Variants in PLEKHM3 observed in about 807,000 individuals in gnomAD.
PLEKHM3 encodes the protein pleckstrin homology domain containing M3.
In PLEKHM3, 45 loss-of-function variants were observed where a neutral mutation model predicts 81.8. That is an observed-to-expected ratio of 0.55 (90% CI 0.43 to 0.71). PLEKHM3 has a LOEUF of 0.71. Among genes scored for constraint, PLEKHM3 ranks in the 30% least tolerant of loss-of-function variants. PLEKHM3 has a pLI of 0.00. For synonymous variants in PLEKHM3, 352 were observed against 356.4 expected (o/e 0.99, Z 0.14); for missense variants, 788 against 924.3 (o/e 0.85, Z 1.91).
At position 207,828,375 on chromosome 2, in the gene PLEKHM3, C is replaced by A; in HGVS notation, c.2230G>T (p.Asp744Tyr). The change falls in exon 8 of 8, where the codon GAC (aspartate) becomes TAC (tyrosine). Residue 744 changes from aspartate to tyrosine, a missense_variant. By Grantham distance (160) the Asp-to-Tyr change is radical (BLOSUM62 -3). Coordinates refer to ENST00000427836, the MANE Select transcript of PLEKHM3 (RefSeq NM_001080475.3). ...GTGCAAGCCTCCTCTAGACTCTCGT[C>A]CATGTTCAGTCTCTGCCAGAAAGAC... ...QKSFWQRLNM[D>Y]ESLEEACTMF... 6.2e-7 allele frequency: 1 copy of A among 1,614,004 alleles called. No homozygotes were observed. The highest frequency in any genetic ancestry group is 8.5e-7 in the Non-Finnish European group (1 of 1,179,976).
Position 207,946,484 on chromosome 2 carries a change from A to T in PLEKHM3, c.1575T>A (p.Asn525Lys). Residue 525 changes from asparagine to lysine, a missense_variant, in exon 4 of 8, where the codon AAT becomes AAA. Transcript: ENST00000427836. The stretch of plus-strand genomic sequence containing the variant: ...TGTAGTTGCACACCTTGGCTTTCCC[A>T]TTGGAAAGACCTATGGATCGCTGGC... Reference protein sequence around the residue: ...AGCQRSIGLSNGKAKVCNYSG... With the variant: ...AGCQRSIGLSKGKAKVCNYSG... 4 of 1,614,192 alleles carry T rather than the reference A, an allele frequency of 2.5e-6. No individual in the cohort carries two copies. Among genetic ancestry groups the T allele is most frequent in the Non-Finnish European group, 2.5e-6 (3 of 1,180,028 alleles).
chr2:207,957,453 C>T (rs1201041304), intron 3 of PLEKHM3, among the ~76,000 whole-genome samples: 2 of 152,218 alleles, frequency 1.3e-5, no homozygotes, highest in African/African-American at 4.8e-5. Context: ...AATCCCAGCA[C>T]TTTGGGAGGC....
At chr2:208,018,170 C>T (rs1026068353) in intron 1 of PLEKHM3, among the ~76,000 whole-genome samples, 1 of 151,982 alleles carries the variant, frequency 6.6e-6, no homozygotes, top group Non-Finnish European at 1.5e-5. Flanking sequence ...GTCAAGAGAT[C>T]GAGACAATCC....
chr2:208,012,684 A>G (rs961558173), intron 1 of PLEKHM3, among the ~76,000 whole-genome samples: 1 of 152,226 alleles, frequency 6.6e-6, no homozygotes, highest in Non-Finnish European at 1.5e-5. Context: ...CTGCCTTCTG[A>G]GCTAACTGAC....
intron 6 of PLEKHM3, among the ~76,000 whole-genome samples, chr2:207,882,718 C>G (rs1282491218): frequency 6.6e-6 from 1 of 151,326 alleles, no homozygotes; most frequent in South Asian, 2.1e-4. Flanking sequence ...GTTGTTTATT[C>G]AGACTAAAAG....
At chr2:207,999,073 C>A (rs971338142) in intron 2 of PLEKHM3, among the ~76,000 whole-genome samples, 1 of 151,996 alleles carries the variant, frequency 6.6e-6, no homozygotes, top group Non-Finnish European at 1.5e-5. Flanking sequence ...ATCTCCGCCT[C>A]CCAGGTTCAA....
chr2:207,934,750 T>C (rs1194548915), intron 4 of PLEKHM3, among the ~76,000 whole-genome samples: 2 of 152,236 alleles, frequency 1.3e-5, no homozygotes, highest in African/African-American at 2.4e-5. Flanking sequence ...TTTACACATA[T>C]ACATTTATAA....
At chr2:208,013,991 C>T (rs1358157886) in intron 1 of PLEKHM3, among the ~76,000 whole-genome samples, 1 of 152,180 alleles carries the variant, frequency 6.6e-6, no homozygotes, top group Non-Finnish European at 1.5e-5. Context: ...TGTTAACTGG[C>T]ATCCCGAGAG....
intron 2 of PLEKHM3, among the ~76,000 whole-genome samples, chr2:207,999,600 C>G (rs1390029990): frequency 6.6e-6 from 1 of 152,038 alleles, no homozygotes; most frequent in African/African-American, 2.4e-5. Context: ...AAGACCTTGT[C>G]CCTAAAAAAA....
chr2:207,975,863 C>CT (rs1691291166), intron 3 of PLEKHM3, among the ~76,000 whole-genome samples: 1 of 148,992 alleles, frequency 6.7e-6, no homozygotes, highest in African/African-American at 2.5e-5. Flanking sequence ...TCCCGAAGTG[C>CT]TGGGATTTCA....
intron 5 of PLEKHM3, among the ~76,000 whole-genome samples, chr2:207,929,027 G>C (rs921358957): frequency 7.9e-5 from 12 of 152,194 alleles, no homozygotes; most frequent in Admixed American, 6.5e-4. Flanking sequence ...TCAGTGGTCT[G>C]AAGTGACACT....
At chr2:207,909,623 A>C (rs897470544) in intron 5 of PLEKHM3, among the ~76,000 whole-genome samples, 1 of 152,230 alleles carries the variant, frequency 6.6e-6, no homozygotes, top group Admixed American at 6.5e-5. Flanking sequence ...CATGGGGTCC[A>C]TATTTTTTGA....
chr2:207,993,847 T>C (rs1206378588), intron 2 of PLEKHM3, among the ~76,000 whole-genome samples: 1 of 152,210 alleles, frequency 6.6e-6, no homozygotes, highest in African/African-American at 2.4e-5. Flanking sequence ...AAAAATTTTT[T>C]ATTTTAAAAA....
intron 7 of PLEKHM3, among the ~76,000 whole-genome samples, chr2:207,844,041 C>T (rs2092369129): frequency 6.6e-6 from 1 of 151,942 alleles, no homozygotes; most frequent in South Asian, 2.1e-4. Context: ...CCTGATAGTG[C>T]CACTGCACTC....
chr2:207,965,457 T>C (rs1210880394), intron 3 of PLEKHM3, among the ~76,000 whole-genome samples: 2 of 150,982 alleles, frequency 1.3e-5, no homozygotes, highest in Non-Finnish European at 2.9e-5. Context: ...AAAAGATCTA[T>C]ATCTTCTGAA....
chr2:207,889,728 T>G (rs1043737468), intron 6 of PLEKHM3, among the ~76,000 whole-genome samples: 5 of 152,010 alleles, frequency 3.3e-5, no homozygotes, highest in African/African-American at 1.2e-4. Context: ...TTCTCCCCAT[T>G]TCCAATGCCA....
In PLEKHM3 at chr2:207,976,871, C is replaced by G. The variant is rs773478409; in HGVS notation, c.1326G>C (p.Gln442His). Residue 442 changes from glutamine (Q) to histidine (H), a missense_variant, in exon 3 of 8, where the codon CAG becomes CAC. Gln to His is a conservative substitution (Grantham distance 24, BLOSUM62 0). Transcript: ENST00000427836. This position sits in a 1 kb window ranked among gnomAD's most constrained non-coding sequence, Gnocchi z 4.1. ...DVLRLRAETR[Q>H]RAQEWMEALK... ...GAGCCTCCATCCATTCCTGAGCCCT[C>G]TGTCGGGTCTCAGCTCGGAGGCGAA... 17 of 1,614,240 alleles carry G rather than the reference C, an allele frequency of 1.1e-5. No individual in the cohort carries two copies. The highest frequency in any genetic ancestry group is 1.4e-5 in the Non-Finnish European group (17 of 1,180,054).
chr2:207,967,092 T>C (rs1365581534), intron 3 of PLEKHM3, among the ~76,000 whole-genome samples: 4 of 152,188 alleles, frequency 2.6e-5, no homozygotes, highest in African/African-American at 9.7e-5. Flanking sequence ...CAAATAATCC[T>C]TTTACCTCAG....
At chr2:207,842,152 T>A (rs1419664433) in intron 7 of PLEKHM3, among the ~76,000 whole-genome samples, 3 of 152,226 alleles carry the variant, frequency 2.0e-5, no homozygotes, top group Non-Finnish European at 2.9e-5. Flanking sequence ...TTAGCCAGGA[T>A]GGCCTCGATC....
Sources: allele counts gnomAD v4.1 joint callset (sites outside exome capture counted in the v4.1 genomes callset), GRCh38; gene constraint gnomAD v4.1.1; non-coding constraint Gnocchi (gnomAD v3.1); transcripts MANE v1.5; gene names NCBI Gene and HGNC (gene_info 2026-07-23, HGNC 2026-07-21).